Variants in NSG2 observed in about 807,000 individuals in gnomAD.
NSG2 encodes neuronal vesicle trafficking associated 2.
A neutral mutation model predicts 16.9 loss-of-function variants in NSG2; 4 were observed. The observed-to-expected ratio is 0.24, with a 90% confidence interval of 0.12 to 0.54. The LOEUF (loss-of-function observed/expected upper bound fraction) is 0.54, where lower values mean the gene tolerates loss of function less well. Ranked by LOEUF, NSG2 falls within the 20% of genes least tolerant of loss-of-function variation. NSG2 has a pLI of 0.95. For synonymous variants in NSG2, 98 were observed against 88.7 expected (o/e 1.11, Z -0.59); for missense variants, 179 against 221.1 (o/e 0.81, Z 1.21).
intron 2 of NSG2, among the ~76,000 whole-genome samples, chr5:174,048,364 G>T (rs1759833925): frequency 6.6e-6 from 1 of 152,146 alleles, no homozygotes; most frequent in Non-Finnish European, 1.5e-5. Context: ...TCTCCCAGGT[G>T]GCTCCTGCAT....
intron 3 of NSG2, among the ~76,000 whole-genome samples, chr5:174,099,418 G>T (rs145318818): frequency 6.6e-6 from 1 of 152,230 alleles, no homozygotes; most frequent in Non-Finnish European, 1.5e-5. Flanking sequence ...CAGCACCTGG[G>T]ACACGCCCTA....
intron 3 of NSG2, among the ~76,000 whole-genome samples, chr5:174,097,715 G>A (rs989972298): frequency 6.6e-6 from 1 of 150,462 alleles, no homozygotes; most frequent in Non-Finnish European, 1.5e-5. Flanking sequence ...TTTTGTGTGT[G>A]TTTGTCTCTG....
chr5:174,091,827 A>G (rs1257974291), intron 3 of NSG2, among the ~76,000 whole-genome samples: 1 of 152,174 alleles, frequency 6.6e-6, no homozygotes, highest in Non-Finnish European at 1.5e-5. Flanking sequence ...AATTGGCTGG[A>G]TAATCCATTA....
intron 3 of NSG2, among the ~76,000 whole-genome samples, chr5:174,088,259 C>T (rs919253277): frequency 6.6e-6 from 1 of 152,178 alleles, no homozygotes. Context: ...AGAGATATCA[C>T]AAAAGTTGTT....
At chr5:174,047,230 G>A (rs182415568) in intron 2 of NSG2, among the ~76,000 whole-genome samples, 1 of 152,236 alleles carries the variant, frequency 6.6e-6, no homozygotes, top group Admixed American at 6.5e-5. Context: ...AAATTGACAG[G>A]TATAGATTTG....
chr5:174,067,851 G>A (rs1760169531), intron 3 of NSG2, among the ~76,000 whole-genome samples: 1 of 152,144 alleles, frequency 6.6e-6, no homozygotes, highest in Admixed American at 6.5e-5. Context: ...TGGAGGAAGG[G>A]CATTGGGGGA....
intron 3 of NSG2, among the ~76,000 whole-genome samples, chr5:174,071,041 G>A (rs1387603306): frequency 1.3e-5 from 2 of 152,206 alleles, no homozygotes; most frequent in Non-Finnish European, 2.9e-5. Flanking sequence ...GGGTGTGTAG[G>A]CACTTGGGAA....
Position 174,045,724 on chromosome 5 carries a change from ACACG to A in NSG2, c.-140_-137del, listed in dbSNP as rs1335184498. 6.6e-6 allele frequency: 1 copy of A among 152,364 alleles called. No individual in the cohort carries two copies. Among genetic ancestry groups the A allele is most frequent in the Non-Finnish European group, 1.5e-5 (1 of 68,038 alleles). 9.4% of individuals were successfully genotyped at this position (152,364 alleles called of 1,614,324 possible). A position where few individuals can be genotyped will look rare whatever the true frequency, so the allele number is the denominator to read the frequency against. ...TGCTCTCAGAAGCTCCGATCCAGAC[ACACG>A]CGAGGCGCTGTCCTTTCAGCACCAC... On this transcript the variant is annotated 5_prime_UTR_variant, in exon 1 of 5. Transcript: ENST00000303177.
At chr5:174,101,467 C>G (rs1333705662) in intron 3 of NSG2, among the ~76,000 whole-genome samples, 1 of 152,144 alleles carries the variant, frequency 6.6e-6, no homozygotes, top group Non-Finnish European at 1.5e-5. Flanking sequence ...TCCCCCAGAC[C>G]CCCTAGTCCT....
chr5:174,081,883 G>A (rs1467371455), intron 3 of NSG2, among the ~76,000 whole-genome samples: 5 of 90,926 alleles, frequency 5.5e-5, no homozygotes, highest in Admixed American at 1.6e-4. Context: ...GTGAGACTCC[G>A]ACTCAAAAAA....
intron 3 of NSG2, among the ~76,000 whole-genome samples, chr5:174,079,827 C>A (rs1226340431): frequency 6.6e-6 from 1 of 152,168 alleles, no homozygotes; most frequent in Non-Finnish European, 1.5e-5. Context: ...TCAAATTAAT[C>A]ATGGACTCCA....
chr5:174,074,207 C>T (rs776354839), intron 3 of NSG2, among the ~76,000 whole-genome samples: 12 of 152,224 alleles, frequency 7.9e-5, no homozygotes, highest in Non-Finnish European at 1.8e-4. Flanking sequence ...TCTGAACCTG[C>T]GTTTCCCAAT....
chr5:174,053,413 G>A (rs2113421636), intron 2 of NSG2, among the ~76,000 whole-genome samples: 1 of 152,274 alleles, frequency 6.6e-6, no homozygotes, highest in South Asian at 2.1e-4. Context: ...GCGGGGTGGG[G>A]CCTGATGATG....
At chr5:174,083,382 T>G (rs1156986428) in intron 3 of NSG2, among the ~76,000 whole-genome samples, 1 of 152,212 alleles carries the variant, frequency 6.6e-6, no homozygotes, top group Non-Finnish European at 1.5e-5. Flanking sequence ...TTGTTCTTTA[T>G]AACAGAAATG....
chr5:174,080,549 CTT>C (rs70984994), intron 3 of NSG2, among the ~76,000 whole-genome samples: 6 of 137,258 alleles, frequency 4.4e-5, no homozygotes, highest in South Asian at 4.8e-4. Flanking sequence ...CTCTCTCTCT[CTT>C]TCTTTTCTTT....
chr5:174,084,950 A>G (rs547012973), intron 3 of NSG2, among the ~76,000 whole-genome samples: 4 of 152,310 alleles, frequency 2.6e-5, no homozygotes, highest in South Asian at 2.1e-4. Flanking sequence ...AATGGTGGAT[A>G]AGGATGTGCA....
intron 3 of NSG2, among the ~76,000 whole-genome samples, chr5:174,098,876 T>C (rs1760854578): frequency 6.6e-6 from 1 of 152,148 alleles, no homozygotes; most frequent in Non-Finnish European, 1.5e-5. Context: ...AATGTAGCGC[T>C]GGAGAACTAG....
Position 174,104,233 on chromosome 5 carries a change from C to G in NSG2, c.219C>G (p.Thr73=). The G allele has an allele frequency of 6.2e-7, 1 of 1,613,656 alleles. No homozygotes were observed. The highest frequency in any genetic ancestry group is 8.5e-7 in the Non-Finnish European group (1 of 1,179,628). Residue 73 remains threonine, a synonymous_variant, in exon 4 of 5, where the codon ACC becomes ACG. Transcript: ENST00000303177. ...RVPKIAEFTV[T]ILVSLALAFL... The stretch of plus-strand genomic sequence containing the variant: ...TTAATTTTGTATTCCTCCAGGTCAC[C>G]ATCCTTGTCAGCCTGGCCCTAGCTT...
chr5:174,087,135 T>G (rs1760639495), intron 3 of NSG2, among the ~76,000 whole-genome samples: 1 of 152,182 alleles, frequency 6.6e-6, no homozygotes, highest in African/African-American at 2.4e-5. Flanking sequence ...GGCAATTTAC[T>G]TAGTGAGATT....
Sources: allele counts gnomAD v4.1 joint callset (sites outside exome capture counted in the v4.1 genomes callset), GRCh38; gene constraint gnomAD v4.1.1; transcripts MANE v1.5; gene names NCBI Gene and HGNC (gene_info 2026-07-23, HGNC 2026-07-21).